The following RASA3 variants were observed in gnomAD, a reference collection of about 807,000 sequenced individuals.
The protein encoded by RASA3 is RAS p21 protein activator 3, also known as ras GTPase-activating protein 3.
RASA3 carries 73 observed loss-of-function variants against 110.0 expected under a neutral mutation model. The ratio of observed to expected loss-of-function variants is 0.66; its 90% CI spans 0.55 to 0.81. The LOEUF (loss-of-function observed/expected upper bound fraction) is 0.81, where lower values mean the gene tolerates loss of function less well. Among genes scored for constraint, RASA3 ranks in the 30% least tolerant of loss-of-function variants. The probability of loss-of-function intolerance (pLI) is 0.00; values close to 1 mark genes in which losing one functional copy is unlikely to be tolerated. For missense variants in RASA3, 976 were observed against 1,113.2 expected (o/e 0.88, Z 1.75); for synonymous variants, 500 against 451.4 (o/e 1.11, Z -1.37).
At chr13:114,031,186 T>C (rs7139576) in intron 4 of RASA3, among the ~76,000 whole-genome samples, 56,313 of 150,516 alleles carry the variant, frequency 0.37, 10,574 homozygotes, top group Middle Eastern at 0.44. Flanking sequence ...TGTCTGTGCA[T>C]GTGGCTATGT....
Position 114,132,510 on chromosome 13 carries a change from G to T in RASA3, c.-21C>A, listed in dbSNP as rs1373940283. 1.4e-6 allele frequency: 2 copies of T among 1,480,222 alleles called. No homozygotes were observed. The highest frequency in any genetic ancestry group is 1.8e-6 in the Non-Finnish European group (2 of 1,119,624). The allele number at this position is 1,480,222 out of a possible 1,614,324, so 91.7% of individuals were successfully genotyped here. On this transcript the variant is annotated 5_prime_UTR_variant, in exon 1 of 24. Transcript: ENST00000334062. ...GCCATGCTGCGCGTCCGCGCCCGCC[G>T]AGCCTCGCCCCAAGCGCGCGCCGAG...
chr13:114,083,542 C>T (rs548990742), intron 1 of RASA3, among the ~76,000 whole-genome samples: 44 of 140,034 alleles, frequency 3.1e-4, no homozygotes, highest in African/African-American at 5.1e-4. Flanking sequence ...CCTTCGTCCT[C>T]GCGGGGAAAT....
intron 20 of RASA3, among the ~76,000 whole-genome samples, 195 bp from the exon 21 acceptor site, chr13:113,996,934 C>T (rs1358679318): frequency 6.6e-6 from 1 of 152,244 alleles, no homozygotes; most frequent in Non-Finnish European, 1.5e-5. Context: ...CTCTGCCACC[C>T]TAAAACCTGA....
chr13:114,014,120 C>A lies in RASA3; in HGVS notation c.1406-872G>T, dbSNP rs1807951724. Among the ~76,000 whole-genome samples the A allele has an allele frequency of 6.6e-6, 1 of 150,882 alleles. No homozygotes were observed. The highest frequency in any genetic ancestry group is 1.5e-5 in the Non-Finnish European group (1 of 67,930). On this transcript the variant is annotated intron_variant, in intron 14 of 23. Transcript: ENST00000334062. The surrounding 1 kb of genome is among the most constrained non-coding windows in gnomAD (Gnocchi z 4.5). ...CGTCTCTCCCTGTCTCTCTCTCTCTCTCCTTGTCTCTCTCTGTCTCTCTCC... is the reference window on the plus strand; with the variant it reads ...CGTCTCTCCCTGTCTCTCTCTCTCTATCCTTGTCTCTCTCTGTCTCTCTCC...
At position 114,096,423 on chromosome 13, in the gene RASA3, T is replaced by G. The variant is rs1207809362; in HGVS notation, c.56-22586A>C. On this transcript the variant is annotated intron_variant, in intron 1 of 23. Transcript: ENST00000334062. This position sits in a 1 kb window ranked among gnomAD's most constrained non-coding sequence, Gnocchi z 5.1. ...CTCGGAACCCTGTGCATTGCCCATC[T>G]GTGAGCCGACCTCCTGCCTGAAGCC... 6.6e-6 allele frequency among the ~76,000 whole-genome samples: 1 copy of G among 152,144 alleles called. No homozygotes were observed. The highest frequency in any genetic ancestry group is 1.5e-5 in the Non-Finnish European group (1 of 68,004).
At chr13:114,054,842 C>T (rs530266687) in intron 2 of RASA3, among the ~76,000 whole-genome samples, 7 of 152,374 alleles carry the variant, frequency 4.6e-5, no homozygotes, top group South Asian at 4.1e-4. Flanking sequence ...CACATTCTCG[C>T]GTTGGTCGTT....
intron 1 of RASA3, among the ~76,000 whole-genome samples, chr13:114,083,286 TCAA>T (rs2079810756): frequency 6.6e-6 from 1 of 152,278 alleles, no homozygotes; most frequent in Admixed American, 6.5e-5. Flanking sequence ...GATTAGATGA[TCAA>T]CAAAACCTTT....
intron 1 of RASA3, among the ~76,000 whole-genome samples, chr13:114,081,132 C>CACCAA (rs1566560885): frequency 1.3e-5 from 2 of 151,986 alleles, no homozygotes; most frequent in Admixed American, 6.6e-5. Flanking sequence ...CCACCCAAAA[C>CACCAA]GCAACAGTAC....
intron 9 of RASA3, among the ~76,000 whole-genome samples, chr13:114,019,784 G>GC (rs1439694028): frequency 6.7e-6 from 1 of 148,460 alleles, no homozygotes. Context: ...CGAGGCATTA[G>GC]CCCCCCTCAG....
Position 113,981,748 on chromosome 13 carries a change from C to T in RASA3, c.2356G>A (p.Gly786Arg). ...TGCTCCTGCTCCAAAGCCCCAACCC[C>T]AGCGATGACTTGCTTTAGCGTCTTG... ...TYKTLKQVIA[G>R]VGALEQEHAQ... The change falls in exon 23 of 24, where the codon GGG becomes AGG. Residue 786 changes from glycine to arginine, a missense_variant. Around this residue, in one of 4 missense-constraint regions of RASA3, gnomAD observed 132 missense variants for 152.8 expected, o/e 0.86. Coordinates refer to ENST00000334062, the MANE Select transcript of RASA3 (RefSeq NM_007368.4). 6.2e-7 allele frequency: 1 copy of T among 1,614,158 alleles called. No individual in the cohort carries two copies. The highest frequency in any genetic ancestry group is 1.1e-5 in the South Asian group (1 of 91,088).
chr13:114,031,444 TCTAC>T lies in RASA3; in HGVS notation c.373-1561_373-1558del, dbSNP rs1214900856. Among the ~76,000 whole-genome samples, 5 of 151,240 alleles carry T rather than the reference TCTAC, an allele frequency of 3.3e-5. No homozygotes were observed. The East Asian group carries it at 5.9e-4, about 18-fold the overall frequency. Reference sequence around the variant, plus strand: ...GTATGTGCATGCAACTCTGTGTGTGTCTACCTGTCTGTAGTGTGTGGCTGTGTGC... The same window carrying T: ...GTATGTGCATGCAACTCTGTGTGTGTCTGTCTGTAGTGTGTGGCTGTGTGC... On this transcript the variant is annotated intron_variant, in intron 4 of 23. Coordinates refer to ENST00000334062, the MANE Select transcript of RASA3 (RefSeq NM_007368.4).
intron 1 of RASA3, among the ~76,000 whole-genome samples, chr13:114,077,486 A>G (rs1402618645): frequency 4.9e-5 from 6 of 123,404 alleles, no homozygotes; most frequent in South Asian, 5.5e-4. Flanking sequence ...TCCCCACTCA[A>G]TGATGCCCAG....
Position 114,016,325 on chromosome 13 carries a change from G to A in RASA3, c.1207-54C>T, listed in dbSNP as rs537453991. 185 of 1,366,332 alleles carry A rather than the reference G, an allele frequency of 1.4e-4. No homozygotes were observed. In the African/African-American group the frequency reaches 1.9e-3, roughly 14 times the overall value. 84.6% of individuals were successfully genotyped at this position (1,366,332 alleles called of 1,614,324 possible). ...TGAGTGGGTTCTGGGGGCACAGGCA[G>A]GGAGGGTGGAAGGGGTCTCAGGCCT... On this transcript the variant is annotated intron_variant, in intron 12 of 23. Transcript: ENST00000334062.
In RASA3 at chr13:114,112,308, G is replaced by A. The variant is rs1490450476; in HGVS notation, c.55+20127C>T. 6.6e-6 allele frequency among the ~76,000 whole-genome samples: 1 copy of A among 152,218 alleles called. No individual in the cohort carries two copies. On this transcript the variant is annotated intron_variant, in intron 1 of 23. Transcript: ENST00000334062. The surrounding 1 kb of genome is among the most constrained non-coding windows in gnomAD (Gnocchi z 4.8). ...CAGCAATCCCCGGAGTCTTCTAGGG[G>A]GCCTGGGGCAGCCGGAACCTGGCCG... is the stretch of plus-strand genomic sequence containing the variant.
At chr13:114,089,600 C>T (rs369027186) in intron 1 of RASA3, among the ~76,000 whole-genome samples, 159 of 152,254 alleles carry the variant, frequency 1.0e-3, no homozygotes, top group Non-Finnish European at 2.6e-4. Flanking sequence ...CAGCCCTGCA[C>T]GGACATCAGC....
At position 114,078,821 on chromosome 13, in the gene RASA3, G is replaced by C. The variant is rs563419264; in HGVS notation, c.56-4984C>G. Reference sequence around the variant, plus strand: ...CCTGACCGAGGGTTAGGATGCCCAGGCTTCCCTGGAGGCCCACACAGGGTC... The same window carrying C: ...CCTGACCGAGGGTTAGGATGCCCAGCCTTCCCTGGAGGCCCACACAGGGTC... On this transcript the variant is annotated intron_variant, in intron 1 of 23. Coordinates refer to ENST00000334062, the MANE Select transcript of RASA3 (RefSeq NM_007368.4). Among the ~76,000 whole-genome samples the C allele has an allele frequency of 4.6e-5, 7 of 152,312 alleles. No individual in the cohort carries two copies. In the South Asian group the frequency reaches 1.5e-3, roughly 32 times the overall value.
At chr13:114,091,708 G>GT (rs966896597) in intron 1 of RASA3, among the ~76,000 whole-genome samples, 22 of 151,966 alleles carry the variant, frequency 1.4e-4, no homozygotes, top group African/African-American at 5.3e-4. Context: ...TGGGTATCAG[G>GT]TAACACTAAC....
At chr13:114,125,442 C>T (rs954888458) in intron 1 of RASA3, among the ~76,000 whole-genome samples, 3 of 151,990 alleles carry the variant, frequency 2.0e-5, no homozygotes, top group African/African-American at 7.3e-5. Flanking sequence ...GGGGCAAGAG[C>T]GCGAGGTGGG....
chr13:114,072,605 G>A (rs926286072), intron 2 of RASA3, among the ~76,000 whole-genome samples: 1 of 152,136 alleles, frequency 6.6e-6, no homozygotes, highest in Non-Finnish European at 1.5e-5. Context: ...AAAAGCACTC[G>A]TGCGAGTCCA....
Sources: gnomAD v4.1 joint callset for allele counts (sites outside exome capture counted in the v4.1 genomes callset) on GRCh38, gnomAD v4.1.1 for gene constraint, gnomAD v4.1.1 regional missense constraint, Gnocchi (gnomAD v3.1) non-coding constraint, MANE v1.5 for transcripts, NCBI Gene and HGNC (gene_info 2026-07-23, HGNC 2026-07-21) for gene names.